Variants in ABCA1 observed in about 807,000 individuals in gnomAD.
ABCA1 encodes the protein phospholipid-transporting ATPase ABCA1.
In ABCA1, 133 loss-of-function variants were observed where a neutral mutation model predicts 262.5. The ratio of observed to expected loss-of-function variants is 0.51; its 90% CI spans 0.44 to 0.59. The LOEUF (loss-of-function observed/expected upper bound fraction) is 0.59, where lower values mean the gene tolerates loss of function less well. ABCA1 is among the 20% of genes least tolerant of loss of function. ABCA1 has a pLI of 0.00. For synonymous variants in ABCA1, 1,022 were observed against 1,043.5 expected (o/e 0.98, Z 0.40); for missense variants, 2,452 against 2,777.5 (o/e 0.88, Z 2.63).
intron 1 of ABCA1, 66 bp from the exon 2 acceptor site, chr9:104,903,837 A>G: frequency 1.4e-6 from 1 of 708,306 alleles, no homozygotes; most frequent in Non-Finnish European, 2.5e-6. Context: ...ACCAATGAGG[A>G]CTGCTAATCC....
chr9:104,787,844 G>A, intron 46 of ABCA1, 76 bp downstream of exon 46: 1 of 1,613,506 alleles, frequency 6.2e-7, no homozygotes, highest in South Asian at 1.1e-5. Context: ...AACAGCCCTG[G>A]ACATATAGGA....
intron 5 of ABCA1, among the ~76,000 whole-genome samples, chr9:104,865,119 T>A (rs1564204382): frequency 6.6e-6 from 1 of 152,086 alleles, no homozygotes. Context: ...CCAACCTGTG[T>A]GAAAACAGGA....
chr9:104,806,532 C>G, intron 30 of ABCA1, 102 bp from the exon 31 acceptor site: 1 of 1,151,178 alleles, frequency 8.7e-7, no homozygotes, highest in African/African-American at 1.5e-5. Flanking sequence ...AAACATGCAT[C>G]TATTCCCTCA....
At chr9:104,801,577 T>C (rs1368917908) in intron 34 of ABCA1, among the ~76,000 whole-genome samples, 2 of 151,028 alleles carry the variant, frequency 1.3e-5, no homozygotes, top group East Asian at 4.0e-4. Context: ...GTTTTGCTCT[T>C]GTTGCCCAGG....
At chr9:104,811,845 G>A (rs1011257246) in intron 28 of ABCA1, among the ~76,000 whole-genome samples, 4 of 152,144 alleles carry the variant, frequency 2.6e-5, no homozygotes, top group African/African-American at 9.7e-5. Flanking sequence ...CTTGCCCAAG[G>A]TCATATAGCC....
chr9:104,837,201 G>A (rs2119023727), intron 10 of ABCA1, 105 bp from the exon 11 acceptor site: 2 of 1,087,092 alleles, frequency 1.8e-6, no homozygotes, highest in South Asian at 2.6e-5. Context: ...GCAGCCCTGT[G>A]CCAGTCCTCC....
chr9:104,842,028 C>A (rs1036078637), intron 8 of ABCA1, among the ~76,000 whole-genome samples: 4 of 152,228 alleles, frequency 2.6e-5, no homozygotes, highest in Non-Finnish European at 4.4e-5. Flanking sequence ...AGGCCCTGCA[C>A]CCAGCCTGGA....
chr9:104,921,904 G>A (rs1031613247), intron 1 of ABCA1, among the ~76,000 whole-genome samples: 3 of 152,180 alleles, frequency 2.0e-5, no homozygotes, highest in African/African-American at 7.2e-5. Flanking sequence ...ATGATACAAA[G>A]AGTGCTGTAA....
chr9:104,900,301 T>C (rs960960605), intron 2 of ABCA1, among the ~76,000 whole-genome samples: 4 of 152,176 alleles, frequency 2.6e-5, no homozygotes, highest in East Asian at 1.9e-4. Context: ...CCTTAAGACA[T>C]TTCCCACTCA....
chr9:104,819,836 C>G, intron 21 of ABCA1, 91 bp downstream of exon 21: 2 of 1,609,188 alleles, frequency 1.2e-6, no homozygotes, highest in East Asian at 4.5e-5. Context: ...CGCACCCAGC[C>G]TGGGACCCTG....
rs1189583224 is a variant in ABCA1 at position 104,861,568 on chromosome 9, T to A, written c.543+111A>T. The stretch of plus-strand genomic sequence containing the variant: ...TAAGTGAAGTTGTATTCAAACTACC[T>A]CCCTCCCCTTCACCACCATTACAAG... On this transcript the variant is annotated intron_variant, in intron 6 of 49. Transcript: ENST00000374736. 7 of 1,444,424 alleles carry A rather than the reference T, an allele frequency of 4.8e-6. No homozygotes were observed. The Admixed American group carries it at 1.0e-4, about 21-fold the overall frequency. 89.5% of individuals were successfully genotyped at this position (1,444,424 alleles called of 1,614,324 possible). A position where few individuals can be genotyped will look rare whatever the true frequency, so the allele number is the denominator to read the frequency against.
Position 104,818,790 on chromosome 9 carries a change from A to T in ABCA1, c.3335T>A (p.Val1112Glu). The T allele has an allele frequency of 1.2e-6, 2 of 1,614,112 alleles. No individual in the cohort carries two copies. Among genetic ancestry groups the T allele is most frequent in the Non-Finnish European group, 1.7e-6 (2 of 1,180,034 alleles). Residue 1112 changes from valine to glutamate, a missense_variant, in exon 23 of 50, where the codon GTG becomes GAG. Around this residue, in one of 4 missense-constraint regions of ABCA1, gnomAD observed 665 missense variants for 727.3 expected, o/e 0.91. Coordinates refer to ENST00000374736, the MANE Select transcript of ABCA1 (RefSeq NM_005502.4). ...AIISHGKLCC[V>E]GSSLFLKNQL... The stretch of plus-strand genomic sequence containing the variant: ...GTTCTTCAGAAACAGGGAGGAGCCC[A>T]CACAGCACAGCTTCCCATGGGAGAT...
rs531261708 is a variant in ABCA1, at chr9:104,784,964, GC to G, written c.6645+431del. Among the ~76,000 whole-genome samples, 7 of 151,966 alleles carry G rather than the reference GC, an allele frequency of 4.6e-5. No homozygotes were observed. In the South Asian group the frequency reaches 1.5e-3, roughly 32 times the overall value. On this transcript the variant is annotated intron_variant, in intron 49 of 49. Coordinates refer to ENST00000374736, the MANE Select transcript of ABCA1 (RefSeq NM_005502.4). The stretch of plus-strand genomic sequence containing the variant: ...CGGCCAAAAACTGACTTTCTATATC[GC>G]CCCCCACCCCTACATCACCAACTGC...
At chr9:104,804,747 C>CGG in intron 31 of ABCA1, 27 bp from the exon 32 acceptor site, 17 of 1,568,906 alleles carry the variant, frequency 1.1e-5, no homozygotes, top group Non-Finnish European at 1.5e-5. Context: ...ACCAAGCATA[C>CGG]GGGTCTTTAT....
At chr9:104,832,509 T>C in intron 12 of ABCA1, 65 bp downstream of exon 12, 1 of 1,565,172 alleles carries the variant, frequency 6.4e-7, no homozygotes, top group Non-Finnish European at 8.8e-7. Flanking sequence ...GCCTGAACCT[T>C]ATTGTAACGT....
At chr9:104,799,081 A>T (rs1830123766) in intron 36 of ABCA1, among the ~76,000 whole-genome samples, 2 of 152,178 alleles carry the variant, frequency 1.3e-5, no homozygotes, top group Non-Finnish European at 2.9e-5. Flanking sequence ...ACATACAAAA[A>T]TTCTGTCAGA....
intron 2 of ABCA1, among the ~76,000 whole-genome samples, chr9:104,897,809 A>T (rs921287997): frequency 2.0e-5 from 3 of 152,160 alleles, no homozygotes; most frequent in African/African-American, 7.2e-5. Flanking sequence ...CACCACATTG[A>T]CCAGGCTGGT....
intron 1 of ABCA1, among the ~76,000 whole-genome samples, chr9:104,926,027 GA>G (rs887229188): frequency 6.9e-5 from 9 of 130,246 alleles, no homozygotes; most frequent in South Asian, 4.7e-4. Context: ...AAAAAAAAAA[GA>G]AAAAAAAATC....
chr9:104,885,329 C>T (rs745442672), intron 3 of ABCA1, among the ~76,000 whole-genome samples: 7 of 152,206 alleles, frequency 4.6e-5, no homozygotes, highest in Non-Finnish European at 1.0e-4. Context: ...CCCCCATCTC[C>T]ATGGTCCCAA....
Sources: allele counts gnomAD v4.1 joint callset (sites outside exome capture counted in the v4.1 genomes callset), GRCh38; gene constraint gnomAD v4.1.1; regional missense constraint gnomAD v4.1.1; transcripts MANE v1.5; gene names NCBI Gene and HGNC (gene_info 2026-07-23, HGNC 2026-07-21).